PRDM2: variants seen among roughly 807,000 people sequenced by gnomAD.
PRDM2 encodes PR/SET domain 2, also known as PR domain zinc finger protein 2.
PRDM2 carries 30 observed loss-of-function variants against 130.0 expected under a neutral mutation model. That is an observed-to-expected ratio of 0.23 (90% CI 0.17 to 0.31). PRDM2 has a LOEUF of 0.31. Ranked by LOEUF, PRDM2 falls within the 10% of genes least tolerant of loss-of-function variation. PRDM2 has a pLI of 1.00. For synonymous variants in PRDM2, 871 were observed against 782.4 expected, an observed-to-expected ratio of 1.11 and a Z score of -1.89; for missense variants, 2,011 against 2,108.4, an observed-to-expected ratio of 0.95 and a Z score of 0.90.
intron 6 of PRDM2, among the ~76,000 whole-genome samples, chr1:13,759,223 T>A (rs1033844424): frequency 6.6e-6 from 1 of 151,744 alleles, no homozygotes; most frequent in Non-Finnish European, 1.5e-5. Context: ...CTTGTATTTA[T>A]AAACCTACCT....
intron 5 of PRDM2, 41 bp from the exon 6 acceptor site, chr1:13,749,320 C>T (rs753256126): frequency 2.3e-5 from 33 of 1,415,782 alleles, no homozygotes; most frequent in Non-Finnish European, 2.8e-5. Flanking sequence ...CAACAACCGC[C>T]GCTCTGATTG....
At chr1:13,805,168 T>C (rs1048126876) in intron 8 of PRDM2, among the ~76,000 whole-genome samples, 1 of 152,198 alleles carries the variant, frequency 6.6e-6, no homozygotes, top group Non-Finnish European at 1.5e-5. Context: ...AAGTAGCTCC[T>C]GGTGTATAGA....
At chr1:13,776,554 T>C (rs1019752314) in intron 7 of PRDM2, among the ~76,000 whole-genome samples, 1 of 152,214 alleles carries the variant, frequency 6.6e-6, no homozygotes, top group African/African-American at 2.4e-5. Context: ...AAAGAGTTGC[T>C]AATAGTCTCC....
chr1:13,810,650 A>G (rs1396936731), intron 8 of PRDM2, among the ~76,000 whole-genome samples: 3 of 151,686 alleles, frequency 2.0e-5, no homozygotes, highest in Non-Finnish European at 4.4e-5. Flanking sequence ...GCCCGCCACC[A>G]CACCCGGCTA....
rs538687583 is a variant in PRDM2 at position 13,731,321 on chromosome 1, AACAG to A, written c.127+208_127+211del. Among the ~76,000 whole-genome samples the A allele has an allele frequency of 8.6e-4, 131 of 152,066 alleles. 1 individual carries two copies. Among genetic ancestry groups the A allele is most frequent in the Non-Finnish European group, 1.2e-3 (81 of 67,984 alleles). On this transcript the variant is annotated intron_variant, in intron 3 of 9. Coordinates refer to ENST00000311066, the MANE Select transcript of PRDM2 (RefSeq NM_001393986.1). ...GTAAAAATAAAACCAGGAACACACA[AACAG>A]ACACACACACAAACACACACACACA...
chr1:13,823,116 T>C, intron 9 of PRDM2, 43 bp from the exon 10 acceptor site: 2 of 1,569,940 alleles, frequency 1.3e-6, no homozygotes, highest in Non-Finnish European at 1.7e-6. Context: ...CGGCACTGAA[T>C]GTGTGCTTAC....
At chr1:13,773,371 C>A in intron 7 of PRDM2, 183 bp downstream of exon 7, 1 of 395,226 alleles carries the variant, frequency 2.5e-6, no homozygotes, top group Non-Finnish European at 4.6e-6. Flanking sequence ...TCCCTTCAAA[C>A]AATTGTGAAA....
At chr1:13,749,249 C>G (rs1643721310) in intron 5 of PRDM2, 112 bp from the exon 6 acceptor site, 1 of 1,045,254 alleles carries the variant, frequency 9.6e-7, no homozygotes, top group Non-Finnish European at 1.2e-6. Flanking sequence ...GCGGCGCCGC[C>G]GACAGCTGTT....
At chr1:13,816,240 G>C (rs1324205341) in intron 8 of PRDM2, among the ~76,000 whole-genome samples, 187 bp from the exon 9 acceptor site, 1 of 152,170 alleles carries the variant, frequency 6.6e-6, no homozygotes, top group African/African-American at 2.4e-5. Context: ...ATGGAGAAGT[G>C]CACATTGGTG....
Position 13,715,631 on chromosome 1 carries a change from G to T in PRDM2, c.9+17G>T. ...ATGAATCAGGTGAGTTTAAAAATCA[G>T]AATTTATACAAATACATGACCTAGA... On this transcript the variant is annotated intron_variant, in intron 2 of 9. Transcript: ENST00000311066. 1 of 1,586,048 alleles carries T rather than the reference G, an allele frequency of 6.3e-7. No individual in the cohort carries two copies. Among genetic ancestry groups the T allele is most frequent in the South Asian group, 1.1e-5 (1 of 87,056 alleles).
Position 13,780,969 on chromosome 1 carries a change from T to A in PRDM2, c.3174T>A (p.Ser1058=), listed in dbSNP as rs373262199. ...PPTLSSSSSS[S]SSSSSFSSSS... ...CACTTTCTTCTTCCTCCTCTTCATC[T>A]TCCTCCTCCTCTTCGTTTTCTTCTT... Residue 1058 remains serine (S), a synonymous_variant, in exon 8 of 10, where the codon TCT becomes TCA. Coordinates refer to ENST00000311066, the MANE Select transcript of PRDM2 (RefSeq NM_001393986.1). 1.3e-5 allele frequency: 21 copies of A among 1,602,656 alleles called. No homozygotes were observed. In the African/African-American group the frequency reaches 2.8e-4, roughly 21 times the overall value.
At chr1:13,758,878 C>CA (rs1644028506) in intron 6 of PRDM2, among the ~76,000 whole-genome samples, 1 of 151,996 alleles carries the variant, frequency 6.6e-6, no homozygotes, top group South Asian at 2.1e-4. Context: ...GTTTCAGAGG[C>CA]AAGAGATTTA....
rs1439386164 is a variant in PRDM2 at position 13,823,318 on chromosome 1, C to CGCGTGAG, written c.*184_*190dup. On this transcript the variant is annotated 3_prime_UTR_variant, in exon 10 of 10. Transcript: ENST00000311066. ...GTGTGTTCACGTGTTCTCGTGCGGGCGCGTGAGTGGTCTTCAAACGAGGGT... is the reference window on the plus strand; with the variant it reads ...GTGTGTTCACGTGTTCTCGTGCGGGCGCGTGAGGCGTGAGTGGTCTTCAAACGAGGGT... 1 of 1,087,580 alleles carries CGCGTGAG rather than the reference C, an allele frequency of 9.2e-7. No homozygotes were observed. Among genetic ancestry groups the CGCGTGAG allele is most frequent in the Non-Finnish European group, 1.4e-6 (1 of 730,898 alleles). The allele number at this position is 1,087,580 out of a possible 1,614,324, so 67.4% of individuals were successfully genotyped here.
intron 6 of PRDM2, among the ~76,000 whole-genome samples, chr1:13,767,079 T>C (rs1411414325): frequency 6.6e-6 from 1 of 152,218 alleles, no homozygotes; most frequent in Non-Finnish European, 1.5e-5. Flanking sequence ...ATGCTATACA[T>C]AGTCTTAGAA....
intron 5 of PRDM2, among the ~76,000 whole-genome samples, chr1:13,744,596 A>G (rs1174900776): frequency 6.6e-6 from 1 of 152,172 alleles, no homozygotes; most frequent in Admixed American, 6.5e-5. Context: ...AGTGGAGGTA[A>G]TAATAAAACT....
Position 13,806,039 on chromosome 1 carries a change from G to A in PRDM2, c.5037-10388G>A, listed in dbSNP as rs1645080971. The stretch of plus-strand genomic sequence containing the variant: ...TCTTGAACTCACTTTCAGGGTTTTG[G>A]CTCTTCTTGAGGAGCCATCAAACCA... On this transcript the variant is annotated intron_variant, in intron 8 of 9. Transcript: ENST00000311066. The surrounding 1 kb of genome is among the most constrained non-coding windows in gnomAD (Gnocchi z 4.1). Among the ~76,000 whole-genome samples the A allele has an allele frequency of 6.6e-6, 1 of 152,056 alleles. No individual in the cohort carries two copies. The highest frequency in any genetic ancestry group is 2.1e-4 in the South Asian group (1 of 4,824).
intron 7 of PRDM2, among the ~76,000 whole-genome samples, chr1:13,774,291 G>T (rs992154884): frequency 1.3e-5 from 2 of 152,244 alleles, no homozygotes; most frequent in African/African-American, 4.8e-5. Flanking sequence ...GCAGATTGCA[G>T]CTTACTTGAG....
At chr1:13,789,986 G>A (rs2100702275) in intron 8 of PRDM2, among the ~76,000 whole-genome samples, 1 of 152,278 alleles carries the variant, frequency 6.6e-6, no homozygotes, top group East Asian at 1.9e-4. Flanking sequence ...GCGTATGTTC[G>A]AGGGCCTTGC....
chr1:13,705,131 C>G (rs890468843), intron 1 of PRDM2: 5 of 152,128 alleles, frequency 3.3e-5, no homozygotes, highest in African/African-American at 1.2e-4. Flanking sequence ...TATCACAGAT[C>G]AAGAATGGAG....
Sources: gnomAD v4.1 joint callset for allele counts (sites outside exome capture counted in the v4.1 genomes callset) on GRCh38, gnomAD v4.1.1 for gene constraint, Gnocchi (gnomAD v3.1) non-coding constraint, MANE v1.5 for transcripts, NCBI Gene and HGNC (gene_info 2026-07-23, HGNC 2026-07-21) for gene names.